NTM: variants seen among roughly 807,000 people sequenced by gnomAD.
The protein encoded by NTM is neurotrimin, also known as IgLON family member 2.
Under a neutral mutation model 42.1 loss-of-function variants are expected in NTM, and 13 were observed. The observed-to-expected ratio is 0.31, with a 90% CI of 0.20 to 0.49. NTM has a LOEUF of 0.49. NTM is among the 20% of genes least tolerant of loss of function. The pLI is 0.99. For synonymous variants in NTM, 187 were observed against 179.2 expected, an observed-to-expected ratio of 1.04 and a Z score of -0.35; for missense variants, 373 against 452.8, an observed-to-expected ratio of 0.82 and a Z score of 1.60.
chr11:132,293,467 G>T (rs1402482877), intron 4 of NTM, among the ~76,000 whole-genome samples: 2 of 152,152 alleles, frequency 1.3e-5, no homozygotes, highest in African/African-American at 4.8e-5. Context: ...ATGCAGGAGA[G>T]GTTCCTGAGT....
intron 4 of NTM, among the ~76,000 whole-genome samples, chr11:132,263,957 A>T (rs768196575): frequency 5.3e-5 from 8 of 152,188 alleles, no homozygotes; most frequent in Non-Finnish European, 7.3e-5. Flanking sequence ...CTTTCTCTCC[A>T]GTTTTCCTGT....
At chr11:132,024,175 G>T (rs1455015400) in intron 2 of NTM, among the ~76,000 whole-genome samples, 1 of 151,742 alleles carries the variant, frequency 6.6e-6, no homozygotes, top group Non-Finnish European at 1.5e-5. Context: ...GGGTATGTTT[G>T]TTTTGTGTTT....
intron 1 of NTM, among the ~76,000 whole-genome samples, chr11:131,539,763 G>A (rs529409729): frequency 3.3e-5 from 5 of 152,322 alleles, no homozygotes; most frequent in African/African-American, 7.2e-5. Flanking sequence ...TGGGGCATGG[G>A]AGTGGAGGTG....
chr11:131,791,927 C>G (rs1218930087), intron 1 of NTM, among the ~76,000 whole-genome samples: 1 of 152,052 alleles, frequency 6.6e-6, no homozygotes, highest in Non-Finnish European at 1.5e-5. Flanking sequence ...AGTGTCTATC[C>G]CATAGGACTG....
intron 2 of NTM, among the ~76,000 whole-genome samples, chr11:131,950,805 A>C (rs2060900566): frequency 6.6e-6 from 1 of 152,128 alleles, no homozygotes; most frequent in Non-Finnish European, 1.5e-5. Context: ...ACCCTTCTCT[A>C]ATCCTCCCAC....
chr11:132,065,873 C>T (rs560383769), intron 2 of NTM, among the ~76,000 whole-genome samples: 8 of 152,194 alleles, frequency 5.3e-5, no homozygotes, highest in African/African-American at 1.2e-4. Context: ...TCTGTGAGCA[C>T]GTGGACTTGC....
chr11:131,924,006 A>G (rs770883581), intron 2 of NTM, among the ~76,000 whole-genome samples: 11 of 152,112 alleles, frequency 7.2e-5, no homozygotes, highest in Non-Finnish European at 1.2e-4. Context: ...AGTGCCTGGC[A>G]CTCTGCTCAT....
At chr11:132,123,410 A>C (rs115310397) in intron 2 of NTM, among the ~76,000 whole-genome samples, 5 of 152,130 alleles carry the variant, frequency 3.3e-5, no homozygotes, top group Admixed American at 3.3e-4. Context: ...AAACACAACC[A>C]TGTCTCTGGA....
chr11:131,598,075 G>A (rs2059969306), intron 1 of NTM, among the ~76,000 whole-genome samples: 2 of 152,180 alleles, frequency 1.3e-5, no homozygotes, highest in African/African-American at 2.4e-5. Context: ...GCAGGGCAAG[G>A]GGTCCCCTGG....
At chr11:131,761,317 C>T (rs1232794449) in intron 1 of NTM, among the ~76,000 whole-genome samples, 2 of 152,136 alleles carry the variant, frequency 1.3e-5, no homozygotes, top group Admixed American at 6.5e-5. Context: ...AGGATCCACA[C>T]CTAACAAGAA....
chr11:131,671,310 G>T, intron 1 of NTM: 1 of 456,178 alleles, frequency 2.2e-6, no homozygotes, highest in Non-Finnish European at 2.9e-6. Context: ...GCGCTATCTG[G>T]CGTCTATACT....
chr11:131,912,991 A>T (rs55865311), intron 2 of NTM, among the ~76,000 whole-genome samples: 16,404 of 152,142 alleles, frequency 0.11, 963 homozygotes, highest in Middle Eastern at 0.15. Flanking sequence ...GCAAAGCTTA[A>T]CCTCATGGCT....
At chr11:131,484,933 C>CA (rs567806489) in intron 1 of NTM, among the ~76,000 whole-genome samples, 35 of 152,178 alleles carry the variant, frequency 2.3e-4, no homozygotes, top group Non-Finnish European at 5.0e-4. Flanking sequence ...AAAATTCCAC[C>CA]AAACCCCTCC....
In NTM at chr11:131,770,675, G is replaced by A. The variant is rs988680815; in HGVS notation, c.83-140889G>A. 42 of 152,254 alleles carry A rather than the reference G, an allele frequency of 2.8e-4. 1 individual carries two copies. The highest frequency in any genetic ancestry group is 1.2e-3 in the East Asian group (6 of 5,176). 9.4% of individuals were successfully genotyped at this position (152,254 alleles called of 1,614,324 possible). On this transcript the variant is annotated intron_variant, in intron 1 of 8. Coordinates refer to ENST00000683400, the MANE Select transcript of NTM (RefSeq NM_001352005.2). The stretch of plus-strand genomic sequence containing the variant: ...GAAATCCCTAAATTCTGAGCTTCAC[G>A]AAACTGAGCTAGATCTGTTTGAAGT...
At chr11:132,191,211 G>A (rs1472410467) in intron 3 of NTM, among the ~76,000 whole-genome samples, 1 of 152,176 alleles carries the variant, frequency 6.6e-6, no homozygotes. Context: ...TGGTCTGGGA[G>A]CAGCTTAGCC....
chr11:131,614,349 G>A (rs2061720052), intron 1 of NTM, among the ~76,000 whole-genome samples: 1 of 152,362 alleles, frequency 6.6e-6, no homozygotes, highest in South Asian at 2.1e-4. Context: ...CCTGCCCCAT[G>A]CTCCATGGAG....
chr11:132,268,670 C>CTGTGTGTGTGTGTGTG (rs780327988), intron 4 of NTM, among the ~76,000 whole-genome samples: 1 of 146,320 alleles, frequency 6.8e-6, no homozygotes, highest in African/African-American at 2.6e-5. Context: ...CTCTCTCTCT[C>CTGTGTGTGTGTGTGTG]TGTGTGTGTG....
chr11:131,859,207 G>A (rs1026122729), intron 1 of NTM, among the ~76,000 whole-genome samples: 8 of 152,264 alleles, frequency 5.3e-5, no homozygotes, highest in African/African-American at 1.9e-4. Context: ...TATGTTTATA[G>A]AGTTCACAAT....
chr11:131,751,398 G>A (rs1219804541), intron 1 of NTM, among the ~76,000 whole-genome samples: 1 of 152,100 alleles, frequency 6.6e-6, no homozygotes, highest in Non-Finnish European at 1.5e-5. Context: ...AGACCATCCT[G>A]GCTAACACGG....
Sources: gnomAD v4.1 joint callset for allele counts (sites outside exome capture counted in the v4.1 genomes callset) on GRCh38, gnomAD v4.1.1 for gene constraint, MANE v1.5 for transcripts, NCBI Gene and HGNC (gene_info 2026-07-23, HGNC 2026-07-21) for gene names.